The following PSD3 variants were observed in gnomAD, a reference collection of about 807,000 sequenced individuals.
PSD3 encodes pleckstrin and Sec7 domain containing 3, also known as PH and SEC7 domain-containing protein 3.
A neutral mutation model predicts 105.5 loss-of-function variants in PSD3; 49 were observed. The observed-to-expected ratio is 0.46, with a 90% CI of 0.37 to 0.59. The LOEUF is 0.59. PSD3 is among the 20% of genes least tolerant of loss of function. The pLI is 0.00. For missense variants in PSD3, 1,561 were observed against 1,263.8 expected (o/e 1.24, Z -3.57); for synonymous variants, 557 against 457.8 (o/e 1.22, Z -2.77).
intron 1 of PSD3, among the ~76,000 whole-genome samples, chr8:19,040,849 C>A (rs1160815243): frequency 1.3e-5 from 2 of 152,138 alleles, no homozygotes; most frequent in Non-Finnish European, 2.9e-5. Context: ...AGGTCTCTTA[C>A]TCTGAGATTC....
intron 1 of PSD3, among the ~76,000 whole-genome samples, chr8:18,959,708 C>G (rs1823795315): frequency 6.6e-6 from 1 of 152,092 alleles, no homozygotes; most frequent in African/African-American, 2.4e-5. Context: ...AGATCAGTGA[C>G]AAGAATTAGC....
Position 18,593,665 on chromosome 8 carries a change from A to T in PSD3, c.2481+6699T>A, listed in dbSNP as rs184089330. Among the ~76,000 whole-genome samples, 8 of 152,240 alleles carry T rather than the reference A, an allele frequency of 5.3e-5. No individual in the cohort carries two copies. In the East Asian group the frequency reaches 1.4e-3, roughly 26 times the overall value. The stretch of plus-strand genomic sequence containing the variant: ...TTATAAATCATGCTGCTATAAAGAC[A>T]CATGCTCACGTACGTTTATTGCAGC... On this transcript the variant is annotated intron_variant, in intron 12 of 15. Transcript: ENST00000327040.
intron 2 of PSD3, among the ~76,000 whole-genome samples, chr8:18,934,606 C>G (rs1821985959): frequency 1.3e-5 from 2 of 152,214 alleles, no homozygotes; most frequent in South Asian, 4.1e-4. Context: ...TGGGACATGA[C>G]TCTAAGATCT....
rs536847227 is a variant in PSD3, at chr8:18,751,095, C to T, written c.2172+14354G>A. ...GACCTGGGCGCCGTGCAGCAGGGGG[C>T]GGTGCTCTTCGGGGAGGCTCCGGCC... is the stretch of plus-strand genomic sequence containing the variant. On this transcript the variant is annotated intron_variant, in intron 9 of 15. Transcript: ENST00000327040. Among the ~76,000 whole-genome samples, 4 of 152,182 alleles carry T rather than the reference C, an allele frequency of 2.6e-5. No homozygotes were observed. In the East Asian group the frequency reaches 5.9e-4, roughly 22 times the overall value.
intron 9 of PSD3, among the ~76,000 whole-genome samples, chr8:18,715,161 T>C (rs1319329421): frequency 1.3e-5 from 2 of 151,916 alleles, no homozygotes. Flanking sequence ...TCAGGAAAAA[T>C]AGCTAATGCA....
chr8:18,852,332 G>C (rs17127331), intron 4 of PSD3, among the ~76,000 whole-genome samples: 1 of 152,050 alleles, frequency 6.6e-6, no homozygotes, highest in Non-Finnish European at 1.5e-5. Context: ...CCAACTCCTC[G>C]AGTGTAAAGA....
chr8:18,761,287 A>T (rs771534535), intron 9 of PSD3, among the ~76,000 whole-genome samples: 1 of 152,166 alleles, frequency 6.6e-6, no homozygotes, highest in Middle Eastern at 3.2e-3. Context: ...CTAAAAAGGG[A>T]TGGTGGGTAG....
In PSD3 at chr8:18,913,113, A is replaced by ACC. The variant is rs751014757; in HGVS notation, c.130+22920_130+22921insGG. Among the ~76,000 whole-genome samples, 582 of 151,130 alleles carry ACC rather than the reference A, an allele frequency of 3.9e-3. 2 individuals are homozygous for ACC. Among genetic ancestry groups the ACC allele is most frequent in the Non-Finnish European group, 3.9e-3 (267 of 67,788 alleles). On this transcript the variant is annotated intron_variant, in intron 2 of 15. Transcript: ENST00000327040. ...CACACACACACACACACACACACAC[A>ACC]CACACACACACTCTCCTTCTCCTAT...
intron 9 of PSD3, among the ~76,000 whole-genome samples, chr8:18,674,862 A>C (rs74724721): frequency 0.013 from 1,945 of 152,180 alleles, 55 homozygotes; most frequent in African/African-American, 0.045. Flanking sequence ...TTAAAATATT[A>C]GCCTGGAGTG....
At chr8:18,997,741 C>A (rs1010397168) in intron 1 of PSD3, among the ~76,000 whole-genome samples, 4 of 150,190 alleles carry the variant, frequency 2.7e-5, no homozygotes, top group Non-Finnish European at 5.9e-5. Flanking sequence ...TGCCTCAGGG[C>A]TCTGCACCTG....
chr8:18,953,748 AAAAAG>A (rs529671688), intron 1 of PSD3, among the ~76,000 whole-genome samples: 22 of 133,502 alleles, frequency 1.6e-4, no homozygotes, highest in Non-Finnish European at 3.1e-4. Context: ...CTCCATCTCA[AAAAAG>A]AAAAGAAAAG....
chr8:18,600,521 C>T, intron 11 of PSD3, 87 bp from the exon 12 acceptor site: 2 of 1,098,498 alleles, frequency 1.8e-6, no homozygotes, highest in South Asian at 1.4e-5. Context: ...GACAGTGTTT[C>T]AATATTCTAC....
At chr8:18,586,185 G>A (rs1302471308) in intron 12 of PSD3, among the ~76,000 whole-genome samples, 1 of 152,148 alleles carries the variant, frequency 6.6e-6, no homozygotes, top group African/African-American at 2.4e-5. Context: ...TCCTGTAGGA[G>A]TGGCCAAAAA....
chr8:18,575,921 A>C (rs1296596299), intron 12 of PSD3, among the ~76,000 whole-genome samples: 1 of 152,210 alleles, frequency 6.6e-6, no homozygotes, highest in East Asian at 1.9e-4. Context: ...ATATGCTACC[A>C]ACTGTTAGAT....
At chr8:19,019,862 G>C (rs1827306814) in intron 1 of PSD3, among the ~76,000 whole-genome samples, 1 of 152,112 alleles carries the variant, frequency 6.6e-6, no homozygotes, top group Admixed American at 6.5e-5. Context: ...GAGCAGAAAT[G>C]TGGTTCATGT....
At position 18,726,354 on chromosome 8, in the gene PSD3, T is replaced by A. The variant is rs1183231590; in HGVS notation, c.2172+39095A>T. ...TAGAATTTAAAGACAAAGAAATGTC[T>A]TTTATCGTCTTCCACATACAGAAAA... is the stretch of plus-strand genomic sequence containing the variant. On this transcript the variant is annotated intron_variant, in intron 9 of 15. Transcript: ENST00000327040. Among the ~76,000 whole-genome samples, 5 of 152,336 alleles carry A rather than the reference T, an allele frequency of 3.3e-5. No homozygotes were observed. The East Asian group carries it at 9.6e-4, about 29-fold the overall frequency.
intron 1 of PSD3, among the ~76,000 whole-genome samples, chr8:19,025,357 T>C (rs1009697594): frequency 1.3e-5 from 2 of 151,632 alleles, no homozygotes; most frequent in Non-Finnish European, 2.9e-5. Flanking sequence ...AGGTAGAAAC[T>C]CCAAACCCCG....
chr8:19,065,056 T>C (rs1205427358), intron 1 of PSD3, among the ~76,000 whole-genome samples: 1 of 152,108 alleles, frequency 6.6e-6, no homozygotes, highest in East Asian at 1.9e-4. Flanking sequence ...CAGCAACCAC[T>C]AGGAAGGGGT....
At chr8:19,018,993 C>T (rs979503125) in intron 1 of PSD3, among the ~76,000 whole-genome samples, 4 of 152,182 alleles carry the variant, frequency 2.6e-5, no homozygotes, top group African/African-American at 9.6e-5. Flanking sequence ...GATGGTGTTT[C>T]ACCATGTTGG....
Sources: allele counts gnomAD v4.1 joint callset (sites outside exome capture counted in the v4.1 genomes callset), GRCh38; gene constraint gnomAD v4.1.1; transcripts MANE v1.5; gene names NCBI Gene and HGNC (gene_info 2026-07-23, HGNC 2026-07-21).